RAB40A: variants seen among roughly 807,000 people sequenced by gnomAD.
RAB40A encodes RAB40A, member RAS oncogene family.
For missense variants in RAB40A, 145 were observed against 230.2 expected, an observed-to-expected ratio of 0.63 and a Z score of 2.40; for synonymous variants, 65 against 99.9, an observed-to-expected ratio of 0.65 and a Z score of 2.08.
intron 1 of RAB40A, among the ~76,000 whole-genome samples, chrX:103,518,644 T>C (rs1036684249): frequency 9.0e-6 from 1 of 111,570 alleles, no homozygotes; most frequent in African/African-American, 3.3e-5. Context: ...TTAAAACACA[T>C]TATAATATAA....
intron 2 of RAB40A, chrX:103,501,427 A>G (rs753252919): frequency 8.1e-6 from 1 of 123,839 alleles, no homozygotes; most frequent in Non-Finnish European, 1.9e-5. Flanking sequence ...CAAGCCACGC[A>G]TGTTTACATG....
Position 103,500,625 on chromosome X carries a change from G to A in RAB40A, c.132C>T (p.Ser44=), listed in dbSNP as rs144592449. 764 of 1,208,624 alleles carry A rather than the reference G, an allele frequency of 6.3e-4. No individual in the cohort carries two copies. The highest frequency in any genetic ancestry group is 8.2e-4 in the Non-Finnish European group (734 of 894,724). ...LQDGAAESPY[S]HLGGIDYKTT... ...TCTTGTAGTCGATCCCCCCGAGATG[G>A]CTGTACGGGGACTCAGCTGCACCAT... is the stretch of plus-strand genomic sequence containing the variant. Residue 44 remains serine, a synonymous_variant, in exon 3 of 3, where the codon AGC becomes AGT. Transcript: ENST00000304236.
At chrX:103,494,512 A>G (rs757550779), downstream of RAB40A, among the ~76,000 whole-genome samples, 2 of 112,087 alleles carry the variant, frequency 1.8e-5, no homozygotes, top group East Asian at 5.6e-4. Flanking sequence ...GCCCAGACCA[A>G]TGTCCTGGAG....
chrX:103,503,026 T>C (rs2073236811), intron 2 of RAB40A: 1 of 751,107 alleles, frequency 1.3e-6, no homozygotes. Flanking sequence ...AGAAAGCAAA[T>C]CTCTCTCTGA....
chrX:103,504,573 G>A lies in RAB40A; in HGVS notation c.-70-3747C>T, dbSNP rs186579193. Reference sequence around the variant, plus strand: ...GTCTTGCTCTGACGCCCAGGCTGGAGTGCAGTGGTACAATCTCAGCTCACT... The same window carrying A: ...GTCTTGCTCTGACGCCCAGGCTGGAATGCAGTGGTACAATCTCAGCTCACT... On this transcript the variant is annotated intron_variant, in intron 2 of 2. Transcript: ENST00000304236. 8.1e-5 allele frequency among the ~76,000 whole-genome samples: 9 copies of A among 111,469 alleles called. 1 individual carries two copies. The highest frequency in any genetic ancestry group is 9.5e-5 in the Admixed American group (1 of 10,516).
intron 2 of RAB40A, among the ~76,000 whole-genome samples, chrX:103,510,947 G>T (rs1446286680): frequency 9.0e-6 from 1 of 111,555 alleles, no homozygotes; most frequent in African/African-American, 3.3e-5. Flanking sequence ...TTTAATTTTT[G>T]CCTAGTTAAC....
intron 2 of RAB40A, among the ~76,000 whole-genome samples, chrX:103,514,160 A>G (rs1395184292): frequency 4.5e-5 from 5 of 111,481 alleles, no homozygotes; most frequent in Non-Finnish European, 9.4e-5. Context: ...TGTTCTTCTC[A>G]TGTTTCTTCC....
intron 2 of RAB40A, among the ~76,000 whole-genome samples, chrX:103,512,864 T>C (rs755095388): frequency 2.7e-5 from 3 of 112,042 alleles, no homozygotes; most frequent in Non-Finnish European, 5.6e-5. Flanking sequence ...AAGATTTTAT[T>C]CCCTTCAGGC....
intron 2 of RAB40A, among the ~76,000 whole-genome samples, chrX:103,505,776 TTTA>T (rs2073251707): frequency 8.9e-6 from 1 of 111,830 alleles, no homozygotes; most frequent in African/African-American, 3.2e-5. Context: ...TGTAGCTCAA[TTTA>T]TTATTATTTT....
At chrX:103,503,522 C>A in intron 2 of RAB40A, 1 of 745,820 alleles carries the variant, frequency 1.3e-6, no homozygotes, top group African/African-American at 2.3e-5. Context: ...GTATATTTTT[C>A]AAACAGAACT....
intron 2 of RAB40A, among the ~76,000 whole-genome samples, chrX:103,510,691 A>G (rs1237858886): frequency 8.9e-6 from 1 of 112,780 alleles, no homozygotes; most frequent in African/African-American, 3.2e-5. Context: ...GATGTTATTT[A>G]TTTCCTCTCC....
At chrX:103,510,091 A>G (rs1442927672) in intron 2 of RAB40A, among the ~76,000 whole-genome samples, 1 of 112,366 alleles carries the variant, frequency 8.9e-6, no homozygotes, top group African/African-American at 3.2e-5. Flanking sequence ...GGCATGAGCC[A>G]CCGTGCCCAA....
At chrX:103,511,894 G>C (rs769383750) in intron 2 of RAB40A, among the ~76,000 whole-genome samples, 9 of 111,600 alleles carry the variant, frequency 8.1e-5, no homozygotes, top group Non-Finnish European at 1.3e-4. Context: ...GAGACTATTA[G>C]GGTGAGCTCT....
intron 2 of RAB40A, among the ~76,000 whole-genome samples, chrX:103,508,764 A>C (rs1433502320): frequency 3.6e-5 from 4 of 112,121 alleles, no homozygotes; most frequent in African/African-American, 9.7e-5. Flanking sequence ...TGGTGGTAAG[A>C]CAGGCATGTT....
At chrX:103,508,485 GA>G (rs1303982812) in intron 2 of RAB40A, among the ~76,000 whole-genome samples, 3 of 111,993 alleles carry the variant, frequency 2.7e-5, no homozygotes, top group African/African-American at 9.7e-5. Flanking sequence ...AATATGACAT[GA>G]AGTGGGACTT....
downstream of RAB40A, among the ~76,000 whole-genome samples, chrX:103,498,321 C>T (rs2073195581): frequency 8.9e-6 from 1 of 112,345 alleles, no homozygotes; most frequent in African/African-American, 3.2e-5. Context: ...CAGACACACT[C>T]CCTTGTCTAC....
At chrX:103,504,798 A>G (rs2073246731) in intron 2 of RAB40A, among the ~76,000 whole-genome samples, 1 of 112,598 alleles carries the variant, frequency 8.9e-6, no homozygotes, top group Non-Finnish European at 1.9e-5. Flanking sequence ...CTGGGATTCC[A>G]GGCGTGAGCC....
At position 103,500,143 on chromosome X, in the gene RAB40A, G is replaced by C; in HGVS notation, c.614C>G (p.Pro205Arg). 8.3e-7 allele frequency: 1 copy of C among 1,212,114 alleles called. No individual in the cohort carries two copies. Among genetic ancestry groups the C allele is most frequent in the South Asian group, 1.8e-5 (1 of 57,030 alleles). The change falls in exon 3 of 3, where the codon CCT (proline) becomes CGT (arginine). Residue 205 changes from proline (P) to arginine (R), a missense_variant. Physicochemically the swap from Pro to Arg is moderately radical, Grantham distance 103. Transcript: ENST00000304236. ...LCCRTIVSCT[P>R]VHLVDKLPLP... is the part of the protein sequence containing the mutation. ...CGGGAGCTTGTCCACCAGATGCACA[G>C]GTGTGCAGGACACGATGGTGCGGCA...
intron 2 of RAB40A, among the ~76,000 whole-genome samples, chrX:103,516,062 G>A (rs756901092): frequency 8.9e-6 from 1 of 112,029 alleles, no homozygotes; most frequent in Non-Finnish European, 1.9e-5. Flanking sequence ...TATAATCATT[G>A]CTTTCTGGGT....
Sources: allele counts gnomAD v4.1 joint callset (sites outside exome capture counted in the v4.1 genomes callset), GRCh38; gene constraint gnomAD v4.1.1; transcripts MANE v1.5; gene names NCBI Gene and HGNC (gene_info 2026-07-23, HGNC 2026-07-21).